PCBP3: variants seen among roughly 807,000 people sequenced by gnomAD.
The protein encoded by PCBP3 is poly(rC)-binding protein 3.
Under a neutral mutation model 52.7 loss-of-function variants are expected in PCBP3, and 25 were observed. The observed-to-expected ratio is 0.47, with a 90% CI of 0.35 to 0.66. The LOEUF (loss-of-function observed/expected upper bound fraction) is 0.66. PCBP3 is among the 30% of genes least tolerant of loss of function. PCBP3 has a pLI of 0.01. For missense variants in PCBP3, 391 were observed against 490.3 expected (o/e 0.80, Z 1.91); for synonymous variants, 162 against 183.0 (o/e 0.89, Z 0.93).
intron 3 of PCBP3, among the ~76,000 whole-genome samples, chr21:45,745,264 C>T (rs946692450): frequency 2.0e-5 from 3 of 152,164 alleles, no homozygotes; most frequent in Admixed American, 6.5e-5. Context: ...GTGGGGCATA[C>T]AGAGAGCCAC....
At chr21:45,783,898 A>G (rs993174855) in intron 4 of PCBP3, among the ~76,000 whole-genome samples, 3 of 152,222 alleles carry the variant, frequency 2.0e-5, no homozygotes, top group African/African-American at 4.8e-5. Flanking sequence ...CGTGAGCAGG[A>G]CTTTCACACA....
At chr21:45,912,176 C>T (rs2096408933) in intron 11 of PCBP3, among the ~76,000 whole-genome samples, 1 of 152,214 alleles carries the variant, frequency 6.6e-6, no homozygotes, top group African/African-American at 2.4e-5. Context: ...CCAAGGCTGC[C>T]CATGCCCCCA....
At chr21:45,901,382 C>T in intron 9 of PCBP3, 1 of 406,718 alleles carries the variant, frequency 2.5e-6, no homozygotes, top group Non-Finnish European at 4.7e-6. Flanking sequence ...CCAGACCCTG[C>T]CCTGGGGCAC....
At chr21:45,754,538 A>G (rs2087849979) in intron 3 of PCBP3, among the ~76,000 whole-genome samples, 1 of 152,232 alleles carries the variant, frequency 6.6e-6, no homozygotes, top group Admixed American at 6.5e-5. Context: ...CCCTGTTGAT[A>G]TAGCTAGAAA....
At chr21:45,672,419 G>A (rs2081229633) in intron 2 of PCBP3, among the ~76,000 whole-genome samples, 1 of 152,036 alleles carries the variant, frequency 6.6e-6, no homozygotes. Flanking sequence ...CCCACAGCCT[G>A]CTTTCTGCTT....
intron 5 of PCBP3, among the ~76,000 whole-genome samples, chr21:45,893,544 G>C (rs939314213): frequency 6.6e-6 from 1 of 152,122 alleles, no homozygotes; most frequent in Non-Finnish European, 1.5e-5. Context: ...TGCAGATGGT[G>C]GTCCACAGAC....
chr21:45,924,000 C>T (rs1273325755), intron 13 of PCBP3, among the ~76,000 whole-genome samples: 2 of 108,980 alleles, frequency 1.8e-5, no homozygotes, highest in East Asian at 2.4e-4. Context: ...AAACAGCACA[C>T]GTAAGATCGG....
rs541602463 is a variant in PCBP3 at position 45,903,643 on chromosome 21, AG to A, written c.339+2533del. On this transcript the variant is annotated intron_variant, in intron 9 of 17. Transcript: ENST00000681687. ...TCATAAAGTGAAAAGAAAATAGAAA[AG>A]GGACCATCAACAGAGGTGGATGACA... 1.5e-3 allele frequency among the ~76,000 whole-genome samples: 229 copies of A among 152,348 alleles called. 1 individual carries two copies. The highest frequency in any genetic ancestry group is 5.3e-3 in the African/African-American group (221 of 41,584).
chr21:45,794,372 T>TGC (rs1302916360), intron 4 of PCBP3, among the ~76,000 whole-genome samples: 1 of 152,106 alleles, frequency 6.6e-6, no homozygotes, highest in Admixed American at 6.5e-5. Context: ...GCCAAGACCG[T>TGC]GCCTCTGCAC....
At chr21:45,908,614 G>A (rs977794913) in intron 9 of PCBP3, among the ~76,000 whole-genome samples, 8 of 150,956 alleles carry the variant, frequency 5.3e-5, no homozygotes, top group African/African-American at 1.5e-4. Flanking sequence ...TGTCCGCCAC[G>A]CTCTGCAGCG....
At chr21:45,932,016 C>T (rs544626538) in intron 15 of PCBP3, among the ~76,000 whole-genome samples, 3 of 151,962 alleles carry the variant, frequency 2.0e-5, no homozygotes, top group South Asian at 2.1e-4. Flanking sequence ...AACATGTCGG[C>T]CGTGCCGTCC....
chr21:45,696,501 G>T (rs1375340977), intron 2 of PCBP3, among the ~76,000 whole-genome samples: 4 of 152,088 alleles, frequency 2.6e-5, no homozygotes, highest in Non-Finnish European at 5.9e-5. Context: ...TTTAAAAAAG[G>T]CAATCAACAG....
At chr21:45,866,849 C>G (rs1041635149) in intron 5 of PCBP3, among the ~76,000 whole-genome samples, 2 of 152,102 alleles carry the variant, frequency 1.3e-5, no homozygotes, top group Non-Finnish European at 2.9e-5. Context: ...TGCACCGTCA[C>G]GGAGATGCGT....
chr21:45,786,378 C>A (rs1603426193), intron 4 of PCBP3, among the ~76,000 whole-genome samples: 2 of 151,962 alleles, frequency 1.3e-5, no homozygotes, highest in East Asian at 1.9e-4. Context: ...GCAGCCTCTA[C>A]CTCCTGGGTT....
chr21:45,817,997 ACAGT>A lies in PCBP3; in HGVS notation c.-125-31961_-125-31958del, dbSNP rs1414990839. 6.6e-6 allele frequency among the ~76,000 whole-genome samples: 1 copy of A among 152,180 alleles called. No individual in the cohort carries two copies. The highest frequency in any genetic ancestry group is 1.5e-5 in the Non-Finnish European group (1 of 68,034). On this transcript the variant is annotated intron_variant, in intron 4 of 17. Transcript: ENST00000681687. This position sits in a 1 kb window ranked among gnomAD's most constrained non-coding sequence, Gnocchi z 4.3. ...ACGTACATCTTGCCTCAAGTGTGGT[ACAGT>A]CAATGAACCAATATTGGTACATTAT... is the stretch of plus-strand genomic sequence containing the variant.
intron 4 of PCBP3, among the ~76,000 whole-genome samples, chr21:45,777,178 T>G (rs1383859130): frequency 1.3e-5 from 2 of 152,214 alleles, no homozygotes; most frequent in African/African-American, 4.8e-5. Flanking sequence ...CTGGATATAG[T>G]CTTCTTGGAT....
chr21:45,760,550 A>G (rs1043823488), intron 4 of PCBP3: 1 of 152,254 alleles, frequency 6.6e-6, no homozygotes, highest in African/African-American at 2.4e-5. Flanking sequence ...GAATGGAATT[A>G]AAGAGTTTTA....
chr21:45,694,506 T>C (rs1264867268), intron 2 of PCBP3, among the ~76,000 whole-genome samples: 1 of 152,078 alleles, frequency 6.6e-6, no homozygotes, highest in African/African-American at 2.4e-5. Context: ...AAAGGGCTAG[T>C]TTAGTGGGAA....
In PCBP3 at chr21:45,827,389, G is replaced by A. The variant is rs987702058; in HGVS notation, c.-125-22572G>A. ...GTTTCAACTGCAGGTCCTCACACAC[G>A]CCAAGAACCAGGAAGACTCCAGTTC... On this transcript the variant is annotated intron_variant, in intron 4 of 17. Transcript: ENST00000681687. The surrounding 1 kb of genome is among the most constrained non-coding windows in gnomAD (Gnocchi z 4.3). Among the ~76,000 whole-genome samples, 3 of 152,134 alleles carry A rather than the reference G, an allele frequency of 2.0e-5. No homozygotes were observed. Among genetic ancestry groups the A allele is most frequent in the Non-Finnish European group, 2.9e-5 (2 of 68,034 alleles).
Sources: gnomAD v4.1 joint callset for allele counts (sites outside exome capture counted in the v4.1 genomes callset) on GRCh38, gnomAD v4.1.1 for gene constraint, Gnocchi (gnomAD v3.1) non-coding constraint, MANE v1.5 for transcripts, NCBI Gene and HGNC (gene_info 2026-07-23, HGNC 2026-07-21) for gene names.